MRPS9: variants seen among roughly 807,000 people sequenced by gnomAD.
MRPS9 encodes small ribosomal subunit protein uS9m.
Under a neutral mutation model 59.9 loss-of-function variants are expected in MRPS9, and 45 were observed. The observed-to-expected ratio is 0.75, with a 90% confidence interval of 0.59 to 0.96. The LOEUF is 0.96. Ranked by LOEUF, MRPS9 falls within the 40% of genes least tolerant of loss-of-function variation. MRPS9 has a pLI of 0.00. For missense variants in MRPS9, 473 were observed against 481.1 expected (o/e 0.98, Z 0.16); for synonymous variants, 171 against 166.8 (o/e 1.03, Z -0.19).
At chr2:105,090,307 T>C (rs1263045161) in intron 7 of MRPS9, among the ~76,000 whole-genome samples, 3 of 152,174 alleles carry the variant, frequency 2.0e-5, no homozygotes, top group Non-Finnish European at 2.9e-5. Context: ...TTCATCTCCT[T>C]ACGTAAGGCC....
chr2:105,063,198 A>C (rs983861294), intron 2 of MRPS9, among the ~76,000 whole-genome samples: 5 of 152,352 alleles, frequency 3.3e-5, no homozygotes, highest in Non-Finnish European at 5.9e-5. Context: ...TGAGCCCAGG[A>C]GTCAAGGCTG....
At chr2:105,046,396 GT>G (rs1679595970) in intron 1 of MRPS9, among the ~76,000 whole-genome samples, 1 of 151,912 alleles carries the variant, frequency 6.6e-6, no homozygotes. Flanking sequence ...TAGAAGACAT[GT>G]TTTTTGTCCT....
intron 7 of MRPS9, chr2:105,091,344 G>A: frequency 2.1e-6 from 1 of 471,068 alleles, no homozygotes; most frequent in Admixed American, 2.3e-5. Flanking sequence ...TTGAGAGTCT[G>A]TGAGATGCAA....
Position 105,089,068 on chromosome 2 carries a change from A to G in MRPS9, c.574A>G (p.Arg192Gly). 6.2e-7 allele frequency: 1 copy of G among 1,603,108 alleles called. No individual in the cohort carries two copies. The highest frequency in any genetic ancestry group is 8.5e-7 in the Non-Finnish European group (1 of 1,174,424). ...KSLLPEKTVT[R>G]DVIGSRWLIK... ...TCTGCTCCCAGAAAAAACTGTAACC[A>G]GGTAAGCTCTTTTCTTGCATTAAAA... Residue 192 changes from arginine to glycine, a missense_variant and splice_region_variant, in exon 6 of 11, where the codon AGA becomes GGA. Arg to Gly is a moderately radical substitution (Grantham distance 125, BLOSUM62 -2). Coordinates refer to ENST00000258455, the MANE Select transcript of MRPS9 (RefSeq NM_182640.3).
chr2:105,049,476 A>G (rs1212825691), intron 2 of MRPS9, 126 bp downstream of exon 2: 18 of 779,092 alleles, frequency 2.3e-5, no homozygotes, highest in Middle Eastern at 3.6e-4. Flanking sequence ...AAATGCTGCT[A>G]TACATTGTTT....
At chr2:105,068,498 T>C (rs1266706459) in intron 2 of MRPS9, among the ~76,000 whole-genome samples, 1 of 152,222 alleles carries the variant, frequency 6.6e-6, no homozygotes, top group African/African-American at 2.4e-5. Flanking sequence ...TAGAGTTTCT[T>C]TGTAAATATT....
intron 5 of MRPS9, among the ~76,000 whole-genome samples, chr2:105,088,171 G>A (rs1311964204): frequency 1.3e-5 from 2 of 151,294 alleles, no homozygotes; most frequent in African/African-American, 4.9e-5. Flanking sequence ...ATGCCTATCT[G>A]CTCATTGGGT....
intron 10 of MRPS9, 23 bp from the exon 11 acceptor site, chr2:105,099,647 A>G: frequency 1.2e-6 from 2 of 1,610,430 alleles, no homozygotes; most frequent in Non-Finnish European, 1.7e-6. Flanking sequence ...TGGTTCCTAA[A>G]GGCTTCTCTT....
chr2:105,050,360 G>A (rs1679688505), intron 2 of MRPS9, among the ~76,000 whole-genome samples: 1 of 152,078 alleles, frequency 6.6e-6, no homozygotes, highest in Non-Finnish European at 1.5e-5. Flanking sequence ...GGCTGGTCTT[G>A]AACTCCTGAC....
Position 105,097,338 on chromosome 2 carries a change from T to G in MRPS9, c.1099+14T>G, listed in dbSNP as rs1680686698. Reference sequence around the variant, plus strand: ...GGATGAGACAAGGTATGAGTCTAGGTGGGACGGGCATGGTGGCCCAATACT... The same window carrying G: ...GGATGAGACAAGGTATGAGTCTAGGGGGGACGGGCATGGTGGCCCAATACT... On this transcript the variant is annotated intron_variant, in intron 10 of 10. Transcript: ENST00000258455. 1.3e-6 allele frequency: 2 copies of G among 1,579,028 alleles called. No individual in the cohort carries two copies. Among genetic ancestry groups the G allele is most frequent in the Non-Finnish European group, 1.7e-6 (2 of 1,162,054 alleles).
chr2:105,058,069 T>G (rs917939986), intron 2 of MRPS9, among the ~76,000 whole-genome samples: 6 of 152,214 alleles, frequency 3.9e-5, no homozygotes, highest in Non-Finnish European at 8.8e-5. Flanking sequence ...GTTTCTCTAA[T>G]TGATTTGCTG....
intron 2 of MRPS9, among the ~76,000 whole-genome samples, chr2:105,064,071 T>C (rs1679953106): frequency 1.3e-5 from 2 of 152,210 alleles, no homozygotes; most frequent in African/African-American, 4.8e-5. Flanking sequence ...ACAAATAGTT[T>C]AGAACTACGG....
At position 105,089,143 on chromosome 2, in the gene MRPS9, G is replaced by A. The variant is rs1423975856; in HGVS notation, c.575+74G>A. Reference sequence around the variant, plus strand: ...CATGCCACTCATTGGTATTTTTTTAGACATACCTGAAGCCTAAAATTTGTT... The same window carrying A: ...CATGCCACTCATTGGTATTTTTTTAAACATACCTGAAGCCTAAAATTTGTT... On this transcript the variant is annotated intron_variant, in intron 6 of 10. Transcript: ENST00000258455. 3 of 1,135,244 alleles carry A rather than the reference G, an allele frequency of 2.6e-6. No homozygotes were observed. In the African/African-American group the frequency reaches 4.7e-5, roughly 18 times the overall value. 70.3% of individuals were successfully genotyped at this position (1,135,244 alleles called of 1,614,324 possible). A position where few individuals can be genotyped will look rare whatever the true frequency, so the allele number is the denominator to read the frequency against.
intron 1 of MRPS9, among the ~76,000 whole-genome samples, chr2:105,043,951 T>C (rs76616154): frequency 4.2e-4 from 63 of 149,548 alleles, no homozygotes; most frequent in Non-Finnish European, 8.2e-4. Flanking sequence ...TTTTTTTTTT[T>C]CTAAGATGGA....
rs150401430 is a variant in MRPS9 at position 105,089,088 on chromosome 2, T to C, written c.575+19T>C. On this transcript the variant is annotated intron_variant, in intron 6 of 10. Transcript: ENST00000258455. The stretch of plus-strand genomic sequence containing the variant: ...TAACCAGGTAAGCTCTTTTCTTGCA[T>C]TAAAATATAAGTAAAATTTGAACTA... The C allele has an allele frequency of 4.2e-4, 666 of 1,577,690 alleles. 3 individuals are homozygous for C. Among genetic ancestry groups the C allele is most frequent in the Non-Finnish European group, 5.6e-4 (642 of 1,153,936 alleles).
chr2:105,056,397 C>T (rs1679792038), intron 2 of MRPS9, among the ~76,000 whole-genome samples: 1 of 152,098 alleles, frequency 6.6e-6, no homozygotes. Flanking sequence ...GCTTGTAGAG[C>T]ACAACTGTCC....
At chr2:105,047,365 AT>A (rs112714370) in intron 1 of MRPS9, among the ~76,000 whole-genome samples, 2,084 of 151,760 alleles carry the variant, frequency 0.014, 53 homozygotes, top group African/African-American at 0.048. Context: ...AAAAACATAT[AT>A]TTTTTTCATT....
At chr2:105,080,129 T>G in intron 5 of MRPS9, 67 bp downstream of exon 5, 1 of 1,114,944 alleles carries the variant, frequency 9.0e-7, no homozygotes, top group Non-Finnish European at 1.3e-6. Context: ...TACTGGATAC[T>G]GTTCGCAGCT....
intron 1 of MRPS9, among the ~76,000 whole-genome samples, chr2:105,038,951 C>T (rs1383110532): frequency 1.3e-5 from 2 of 152,116 alleles, no homozygotes; most frequent in African/African-American, 2.4e-5. Context: ...GAACTGATTT[C>T]GAAATGCCCT....
Sources: allele counts gnomAD v4.1 joint callset (sites outside exome capture counted in the v4.1 genomes callset), GRCh38; gene constraint gnomAD v4.1.1; transcripts MANE v1.5; gene names NCBI Gene and HGNC (gene_info 2026-07-23, HGNC 2026-07-21).